The following NPC1 variants were observed in gnomAD, a reference collection of about 807,000 sequenced individuals.
NPC1 encodes the protein Niemann-Pick C1 protein.
In NPC1, 85 loss-of-function variants were observed where a neutral mutation model predicts 140.4. The observed-to-expected ratio is 0.61, with a 90% confidence interval of 0.51 to 0.72. The LOEUF is 0.72. NPC1 is among the 30% of genes least tolerant of loss of function. The probability of loss-of-function intolerance (pLI) is 0.00; values close to 1 mark genes in which losing one functional copy is unlikely to be tolerated. For missense variants in NPC1, 1,504 were observed against 1,623.8 expected (o/e 0.93, Z 1.27); for synonymous variants, 656 against 624.8 (o/e 1.05, Z -0.74).
At chr18:23,529,859 A>T, downstream of NPC1, 1 of 1,046,722 alleles carries the variant, frequency 9.6e-7, no homozygotes. Context: ...TATTAGTTGG[A>T]ATGGGAAGTG....
chr18:23,554,018 C>T (rs2145442937), intron 9 of NPC1, among the ~76,000 whole-genome samples: 1 of 152,272 alleles, frequency 6.6e-6, no homozygotes, highest in African/African-American at 2.4e-5. Flanking sequence ...GGGTGTGATA[C>T]ATGACACTGT....
intron 1 of NPC1, among the ~76,000 whole-genome samples, chr18:23,585,587 C>T (rs997265437): frequency 1.3e-5 from 2 of 152,160 alleles, no homozygotes; most frequent in African/African-American, 4.8e-5. Context: ...AAAGAGGAAA[C>T]TACAGACACA....
At position 23,545,170 on chromosome 18, in the gene NPC1, T is replaced by C. The variant is rs544805031; in HGVS notation, c.1758-21A>G. The C allele has an allele frequency of 2.5e-4, 392 of 1,556,150 alleles. 9 individuals are homozygous for C. The South Asian group carries it at 3.7e-3, about 15-fold the overall frequency. On this transcript the variant is annotated intron_variant, in intron 11 of 24. Transcript: ENST00000269228. Reference sequence around the variant, plus strand: ...TAAACCTAAAAGGTAAGCAAAATGTTATATTTTTAGTTAAACTAACTGACA... The same window carrying C: ...TAAACCTAAAAGGTAAGCAAAATGTCATATTTTTAGTTAAACTAACTGACA...
chr18:23,547,349 G>A (rs1028846992), intron 11 of NPC1, among the ~76,000 whole-genome samples: 5 of 152,060 alleles, frequency 3.3e-5, no homozygotes, highest in Non-Finnish European at 5.9e-5. Flanking sequence ...ATACATCATG[G>A]ACCATTTACT....
intron 20 of NPC1, among the ~76,000 whole-genome samples, chr18:23,537,607 C>A (rs4800488): frequency 0.47 from 71,352 of 151,970 alleles, 17,097 homozygotes; most frequent in East Asian, 0.63. Flanking sequence ...AATGGGTATA[C>A]CACCACCTAC....
rs530310492 is a variant in NPC1, at chr18:23,554,906, A to C, written c.1405T>G (p.Leu469Val). Reference sequence around the variant, plus strand: ...GTGTTATACGGTGAAAGAGGGGCCAAGCAGATGTCTTGAAGTGTCACAGTC... The same window carrying C: ...GTGTTATACGGTGAAAGAGGGGCCACGCAGATGTCTTGAAGTGTCACAGTC... ...NETVTLQDIC[L>V]APLSPYNTNC... Residue 469 changes from leucine to valine, a missense_variant, in exon 9 of 25, where the codon TTG (leucine) becomes GTG (valine). Physicochemically the swap from Leu to Val is conservative, Grantham distance 32 (BLOSUM62 1). Transcript: ENST00000269228. 2.5e-6 allele frequency: 4 copies of C among 1,614,196 alleles called. No individual in the cohort carries two copies. The South Asian group carries it at 4.4e-5, about 18-fold the overall frequency.
chr18:23,529,890 T>G, downstream of NPC1: 1 of 1,055,730 alleles, frequency 9.5e-7, no homozygotes, highest in Admixed American at 2.0e-5. Context: ...TTGGGGTCTT[T>G]ACCTGCATGA....
chr18:23,520,176 C>T (rs376978686), downstream of NPC1: 439 of 1,576,776 alleles, frequency 2.8e-4, 4 homozygotes, highest in Non-Finnish European at 5.3e-5. Context: ...TGATTTTGGC[C>T]TCAGTCTTGT....
chr18:23,563,676 A>G (rs190062606), intron 4 of NPC1, among the ~76,000 whole-genome samples: 240 of 152,254 alleles, frequency 1.6e-3, no homozygotes, highest in African/African-American at 5.5e-3. Context: ...GGCCGTCCGA[A>G]GTGCTGGATT....
chr18:23,541,312 A>G lies in NPC1; in HGVS notation c.2367T>C (p.Arg789=), dbSNP rs1263066844. ...AATCCTGGCACCAACTTACCTCTTG[A>G]CGTTTAATGTCTAACCCCAAGAGAC... is the stretch of plus-strand genomic sequence containing the variant. ...FVSLLGLDIK[R]QEKNRLDIFC... The change falls in exon 15 of 25, where the codon CGT becomes CGC. Residue 789 remains arginine (R), a synonymous_variant. Coordinates refer to ENST00000269228, the MANE Select transcript of NPC1 (RefSeq NM_000271.5). The G allele has an allele frequency of 6.2e-7, 1 of 1,614,120 alleles. No individual in the cohort carries two copies. The highest frequency in any genetic ancestry group is 8.5e-7 in the Non-Finnish European group (1 of 1,180,058).
chr18:23,514,266 A>T (rs747414128), intron 3 of NPC1, among the ~76,000 whole-genome samples: 2 of 152,236 alleles, frequency 1.3e-5, no homozygotes, highest in Non-Finnish European at 2.9e-5. Context: ...CTGTAATCCT[A>T]GCACTTTGGG....
intron 10 of NPC1, among the ~76,000 whole-genome samples, chr18:23,550,341 C>T (rs1279560213): frequency 6.6e-6 from 1 of 151,892 alleles, no homozygotes; most frequent in African/African-American, 2.4e-5. Flanking sequence ...GTTTGTTCTC[C>T]ACAAATGAAC....
At position 23,541,135 on chromosome 18, in the gene NPC1, C is replaced by T. The variant is rs1362560477; in HGVS notation, c.2447G>A (p.Cys816Tyr). ...DGTSVQASESCLFRFFKNSYS... is the reference protein window; with the variant it reads ...DGTSVQASESYLFRFFKNSYS... ...GGAGTTTTTGAAGAAGCGAAACAAACAGCTCTCTGAGGCCTGGACGCTTGT... is the reference window on the plus strand; with the variant it reads ...GGAGTTTTTGAAGAAGCGAAACAAATAGCTCTCTGAGGCCTGGACGCTTGT... Residue 816 changes from cysteine to tyrosine, a missense_variant, in exon 16 of 25, where the codon TGT becomes TAT. Physicochemically the swap from Cys to Tyr is radical, Grantham distance 194 (BLOSUM62 -2). Coordinates refer to ENST00000269228, the MANE Select transcript of NPC1 (RefSeq NM_000271.5). The T allele has an allele frequency of 6.2e-7, 1 of 1,614,224 alleles. No homozygotes were observed. The highest frequency in any genetic ancestry group is 1.1e-5 in the South Asian group (1 of 91,086).
chr18:23,507,079 C>T (rs187875746), intron 3 of NPC1: 2 of 1,421,056 alleles, frequency 1.4e-6, no homozygotes, highest in East Asian at 4.6e-5. Flanking sequence ...TAAAATACAG[C>T]ATTAAAGGGC....
chr18:23,565,324 A>G (rs2059108069), intron 4 of NPC1, among the ~76,000 whole-genome samples: 1 of 152,086 alleles, frequency 6.6e-6, no homozygotes, highest in Admixed American at 6.6e-5. Flanking sequence ...GATCCTCGTT[A>G]ATTTCGCTGA....
chr18:23,525,390 G>A (rs2145253310), downstream of NPC1, among the ~76,000 whole-genome samples: 1 of 152,166 alleles, frequency 6.6e-6, no homozygotes, highest in African/African-American at 2.4e-5. Context: ...TGGGCCTACA[G>A]GCGCACATCA....
rs572944990 is a variant in NPC1, at chr18:23,538,925, T to G, written c.2912-254A>C. The G allele has an allele frequency of 6.2e-5, 32 of 516,576 alleles. No individual in the cohort carries two copies. In the East Asian group the frequency reaches 1.2e-3, roughly 19 times the overall value. The allele number at this position is 516,576 out of a possible 1,614,324, so 32.0% of individuals were successfully genotyped here. A position where few individuals can be genotyped will look rare whatever the true frequency, so the allele number is the denominator to read the frequency against. On this transcript the variant is annotated intron_variant, in intron 19 of 24. Transcript: ENST00000269228. ...TCTGCCCTGAAGTAGATCTCCTCCT[T>G]CAAGTATGGCCTTGACTGGTCAGAG...
chr18:23,538,738 A>C, intron 19 of NPC1, 67 bp from the exon 20 acceptor site: 1 of 1,527,228 alleles, frequency 6.5e-7, no homozygotes, highest in Non-Finnish European at 9.0e-7. Flanking sequence ...AAACATTTTA[A>C]AATACTGACA....
chr18:23,520,203 C>T (rs764268227), downstream of NPC1: 65 of 1,611,430 alleles, frequency 4.0e-5, no homozygotes, highest in East Asian at 8.0e-4. Context: ...CCCCCCCAGA[C>T]ATCGGTAATA....
Sources: gnomAD v4.1 joint callset for allele counts (sites outside exome capture counted in the v4.1 genomes callset) on GRCh38, gnomAD v4.1.1 for gene constraint, MANE v1.5 for transcripts, NCBI Gene and HGNC (gene_info 2026-07-23, HGNC 2026-07-21) for gene names.